Variants in FAM178B observed in about 807,000 individuals in gnomAD.
FAM178B encodes family with sequence similarity 178 member B.
FAM178B carries 82 observed loss-of-function variants against 91.7 expected under a neutral mutation model. That is an observed-to-expected ratio of 0.89 (90% CI 0.75 to 1.07). The LOEUF is 1.07. Ranked by LOEUF, FAM178B falls within the 50% of genes least tolerant of loss-of-function variation. FAM178B has a pLI of 0.00. For missense variants in FAM178B, 769 were observed against 846.7 expected, an observed-to-expected ratio of 0.91 and a Z score of 1.14; for synonymous variants, 368 against 359.4, an observed-to-expected ratio of 1.02 and a Z score of -0.27.
chr2:96,975,668 C>A (rs755524765), intron 1 of FAM178B, among the ~76,000 whole-genome samples: 1 of 152,224 alleles, frequency 6.6e-6, no homozygotes, highest in Non-Finnish European at 1.5e-5. Flanking sequence ...TTTCTTCTAT[C>A]AAGCTGTATA....
chr2:96,959,143 G>A (rs1395965246), intron 6 of FAM178B, among the ~76,000 whole-genome samples: 2 of 146,738 alleles, frequency 1.4e-5, no homozygotes, highest in Non-Finnish European at 3.0e-5. Flanking sequence ...AGGTTGCAGT[G>A]AGCCGAGATC....
intron 6 of FAM178B, among the ~76,000 whole-genome samples, chr2:96,955,803 C>T (rs1293224061): frequency 6.6e-6 from 1 of 152,226 alleles, no homozygotes; most frequent in Non-Finnish European, 1.5e-5. Context: ...AGCTGGAAGG[C>T]TCAGCCCTCT....
chr2:96,969,140 G>C (rs1435559203), intron 4 of FAM178B, among the ~76,000 whole-genome samples: 1 of 152,218 alleles, frequency 6.6e-6, no homozygotes, highest in African/African-American at 2.4e-5. Flanking sequence ...TAAATTGCCA[G>C]GGAAGCAGGG....
chr2:96,982,227 T>C (rs1255481131), intron 1 of FAM178B, among the ~76,000 whole-genome samples: 1 of 152,062 alleles, frequency 6.6e-6, no homozygotes, highest in Non-Finnish European at 1.5e-5. Context: ...AGTACATAAA[T>C]ATATATATTC....
chr2:96,895,481 G>C (rs144212173), intron 13 of FAM178B, among the ~76,000 whole-genome samples: 3 of 152,226 alleles, frequency 2.0e-5, no homozygotes, highest in East Asian at 1.9e-4. Context: ...TGTGACCTGC[G>C]TAAGTCCAGG....
chr2:96,924,441 A>G (rs989997219), intron 9 of FAM178B, among the ~76,000 whole-genome samples: 6 of 152,334 alleles, frequency 3.9e-5, no homozygotes, highest in Admixed American at 2.6e-4. Context: ...GACGGACCCA[A>G]TCTGGCTGAG....
At chr2:96,903,035 TTTTA>T (rs1389252677) in intron 12 of FAM178B, among the ~76,000 whole-genome samples, 3 of 101,072 alleles carry the variant, frequency 3.0e-5, no homozygotes, top group African/African-American at 1.6e-4. Context: ...GAACTGCTTA[TTTTA>T]TTTTATTTTA....
At chr2:96,908,113 G>C (rs1007605362) in intron 12 of FAM178B, among the ~76,000 whole-genome samples, 1 of 152,236 alleles carries the variant, frequency 6.6e-6, no homozygotes, top group African/African-American at 2.4e-5. Context: ...GAACAAGGGG[G>C]TGGGCTTAGA....
intron 12 of FAM178B, among the ~76,000 whole-genome samples, chr2:96,907,252 G>C (rs769970246): frequency 6.6e-6 from 1 of 152,184 alleles, no homozygotes; most frequent in Admixed American, 6.5e-5. Context: ...CAAGGAGGGG[G>C]CAGGGGGCGG....
chr2:96,928,983 C>CCG (rs370575893), intron 9 of FAM178B, among the ~76,000 whole-genome samples: 2 of 150,776 alleles, frequency 1.3e-5, no homozygotes, highest in African/African-American at 4.9e-5. Flanking sequence ...GACCCCCCCC[C>CCG]GCCACCTCTA....
rs1016851462 is a variant in FAM178B, at chr2:96,902,608, GCAAA to G, written c.1650+8_1650+11del. 1.1e-5 allele frequency: 17 copies of G among 1,544,868 alleles called. No homozygotes were observed. In the African/African-American group the frequency reaches 1.9e-4, roughly 17 times the overall value. The stretch of plus-strand genomic sequence containing the variant: ...CATGGCCTTCCTGCCCAGGCCTGAA[GCAAA>G]CACTCACCTGGGTCTTCTCTTGCCA... On this transcript the variant is annotated splice_region_variant and intron_variant, in intron 13 of 16. Transcript: ENST00000490605.
At chr2:96,877,817 G>T in intron 16 of FAM178B, 73 bp downstream of exon 16, 1 of 1,470,948 alleles carries the variant, frequency 6.8e-7, no homozygotes, top group Non-Finnish European at 9.2e-7. Context: ...GGGTGGATGT[G>T]CTGGTGGCTC....
chr2:96,889,576 G>C (rs530688467), intron 14 of FAM178B, among the ~76,000 whole-genome samples: 1 of 151,960 alleles, frequency 6.6e-6, no homozygotes, highest in African/African-American at 2.4e-5. Context: ...TACTTGGAAG[G>C]CTGAGGCAGG....
intron 11 of FAM178B, 95 bp downstream of exon 11, chr2:96,921,383 T>A: frequency 6.6e-7 from 1 of 1,509,418 alleles, no homozygotes; most frequent in South Asian, 1.2e-5. Context: ...TCCGATGACC[T>A]CCAGGCAGTG....
Position 96,932,941 on chromosome 2 carries a change from C to CAAA in FAM178B, c.1079-3624_1079-3622dup, listed in dbSNP as rs35133795. 9.8e-3 allele frequency among the ~76,000 whole-genome samples: 322 copies of CAAA among 32,974 alleles called. 10 individuals carry two copies. Among genetic ancestry groups the CAAA allele is most frequent in the Middle Eastern group, 0.033 (1 of 30 alleles). The allele number at this position is 32,974 out of a possible 152,430, so 21.6% of individuals were successfully genotyped here. On this transcript the variant is annotated intron_variant, in intron 8 of 16. Transcript: ENST00000490605. Reference sequence around the variant, plus strand: ...TACAACAGAGTGAGACTCCGTCTCACAAAAAAAAAAAAAAAAAAAAAAGCC... The same window carrying CAAA: ...TACAACAGAGTGAGACTCCGTCTCACAAAAAAAAAAAAAAAAAAAAAAAAAGCC...
At chr2:96,927,761 G>A (rs931111008) in intron 9 of FAM178B, among the ~76,000 whole-genome samples, 1 of 152,212 alleles carries the variant, frequency 6.6e-6, no homozygotes, top group Non-Finnish European at 1.5e-5. Context: ...AGAGCAGAGC[G>A]AGACCCAGTG....
At chr2:96,953,989 C>T (rs977507169) in intron 6 of FAM178B, among the ~76,000 whole-genome samples, 2 of 152,246 alleles carry the variant, frequency 1.3e-5, no homozygotes, top group African/African-American at 4.8e-5. Context: ...AAAGCTCAAA[C>T]GCCTTGGGTG....
intron 14 of FAM178B, among the ~76,000 whole-genome samples, chr2:96,893,644 T>C (rs1321495026): frequency 3.3e-5 from 5 of 151,862 alleles, no homozygotes; most frequent in African/African-American, 1.2e-4. Context: ...CAACCCCAGA[T>C]CAACAAAAGG....
At chr2:96,964,362 T>C (rs2082118716) in intron 5 of FAM178B, among the ~76,000 whole-genome samples, 1 of 152,192 alleles carries the variant, frequency 6.6e-6, no homozygotes, top group Non-Finnish European at 1.5e-5. Flanking sequence ...AAAGAGTGAA[T>C]GCAGAATGCT....
Sources: allele counts gnomAD v4.1 joint callset (sites outside exome capture counted in the v4.1 genomes callset), GRCh38; gene constraint gnomAD v4.1.1; transcripts MANE v1.5; gene names NCBI Gene and HGNC (gene_info 2026-07-23, HGNC 2026-07-21).